The following SOCS1 variants were observed in gnomAD, a reference collection of about 807,000 sequenced individuals.
SOCS1 encodes JAK binding protein.
SOCS1 carries 3 observed loss-of-function variants against 9.7 expected under a neutral mutation model. That is an observed-to-expected ratio of 0.31 (90% CI 0.14 to 0.80). The LOEUF (loss-of-function observed/expected upper bound fraction) is 0.80, where lower values mean the gene tolerates loss of function less well. Ranked by LOEUF, SOCS1 falls within the 30% of genes least tolerant of loss-of-function variation. The pLI, the probability that SOCS1 is intolerant of heterozygous loss-of-function variation, is 0.61. For synonymous variants in SOCS1, 194 were observed against 150.2 expected, an observed-to-expected ratio of 1.29 and a Z score of -2.13; for missense variants, 368 against 324.7, an observed-to-expected ratio of 1.13 and a Z score of -1.02.
Position 11,255,084 on chromosome 16 carries a change from G to T in SOCS1, c.395C>A (p.Ala132Asp), listed in dbSNP as rs1286634884. The change falls in exon 2 of 2, where the codon GCC becomes GAC. Residue 132 changes from alanine to aspartate, a missense_variant. Coordinates refer to ENST00000332029, the MANE Select transcript of SOCS1 (RefSeq NM_003745.2). Reference sequence around the variant, plus strand: ...GCTGCCATCCAGGTGAAAGCGGCCGGCCTGAAAGTGCACGCGGATGCTCGT... The same window carrying T: ...GCTGCCATCCAGGTGAAAGCGGCCGTCCTGAAAGTGCACGCGGATGCTCGT... ...GPTSIRVHFQAGRFHLDGSRE... is the reference protein window; with the variant it reads ...GPTSIRVHFQDGRFHLDGSRE... The T allele has an allele frequency of 6.2e-7, 1 of 1,610,088 alleles. No homozygotes were observed.
rs1341902568 is a variant in SOCS1, at chr16:11,255,009, G to A, written c.470C>T (p.Ala157Val). ...LFELLEHYVA[A>V]PRRMLGAPLR... Reference sequence around the variant, plus strand: ...CGGGGCCCCCAGCATGCGGCGCGGCGCCGCCACGTAGTGCTCCAGCAGCTC... The same window carrying A: ...CGGGGCCCCCAGCATGCGGCGCGGCACCGCCACGTAGTGCTCCAGCAGCTC... Residue 157 changes from alanine (A) to valine (V), a missense_variant, in exon 2 of 2, where the codon GCG becomes GTG. Coordinates refer to ENST00000332029, the MANE Select transcript of SOCS1 (RefSeq NM_003745.2). 2 of 1,579,078 alleles carry A rather than the reference G, an allele frequency of 1.3e-6. No individual in the cohort carries two copies. Among genetic ancestry groups the A allele is most frequent in the African/African-American group, 1.4e-5 (1 of 70,992 alleles).
chr16:11,255,528 G>C lies in SOCS1; in HGVS notation c.-50C>G. 1 of 1,145,434 alleles carries C rather than the reference G, an allele frequency of 8.7e-7. No individual in the cohort carries two copies. Among genetic ancestry groups the C allele is most frequent in the Non-Finnish European group, 1.1e-6 (1 of 905,802 alleles). 71.0% of individuals were successfully genotyped at this position (1,145,434 alleles called of 1,614,324 possible). A position where few individuals can be genotyped will look rare whatever the true frequency, so the allele number is the denominator to read the frequency against. On this transcript the variant is annotated splice_region_variant and 5_prime_UTR_variant, in exon 2 of 2. Coordinates refer to ENST00000332029, the MANE Select transcript of SOCS1 (RefSeq NM_003745.2). ...GGTGGGCCATAGCGTCCGGGGGTGCGCTGCGGGAGAGACAAAGAGGTGAGC... is the reference window on the plus strand; with the variant it reads ...GGTGGGCCATAGCGTCCGGGGGTGCCCTGCGGGAGAGACAAAGAGGTGAGC...
chr16:11,255,570 CG>C (rs1194624631), intron 1 of SOCS1, 42 bp from the exon 2 acceptor site: 3 of 822,600 alleles, frequency 3.6e-6, no homozygotes, highest in Non-Finnish European at 4.9e-6. Context: ...GCTGCGGGGC[CG>C]GGCAGGTGTG....
rs566327696 is a variant in SOCS1, at chr16:11,255,173, C to G, written c.306G>C (p.Leu102=). ...AGTTCCGCTGGCGGCTGTCGCGCAC[C>G]AGGAAGGTGCCCACGGGCTCGGCGC... The part of the protein sequence containing the change: ...RLRAEPVGTF[L]VRDSRQRNCF... Residue 102 remains leucine, a synonymous_variant, in exon 2 of 2, where the codon CTG becomes CTC. Transcript: ENST00000332029. The G allele has an allele frequency of 1.1e-5, 18 of 1,596,140 alleles. No individual in the cohort carries two copies. The African/African-American group carries it at 1.5e-4, about 13-fold the overall frequency.
Position 11,254,774 on chromosome 16 carries a change from T to A in SOCS1, c.*69A>T, listed in dbSNP as rs1368113640. 1.4e-6 allele frequency: 2 copies of A among 1,410,112 alleles called. No homozygotes were observed. Among genetic ancestry groups the A allele is most frequent in the African/African-American group, 3.0e-5 (2 of 66,484 alleles). The allele number at this position is 1,410,112 out of a possible 1,614,324, so 87.3% of individuals were successfully genotyped here. A position where few individuals can be genotyped will look rare whatever the true frequency, so the allele number is the denominator to read the frequency against. ...CAGGCCGGGGAGGGTACCCACATGG[T>A]TCCAGGCAAGTAATAACAAAATAAC... On this transcript the variant is annotated 3_prime_UTR_variant, in exon 2 of 2. Transcript: ENST00000332029.
intron 1 of SOCS1, chr16:11,255,761 T>A (rs2069593141): frequency 7.6e-6 from 2 of 263,474 alleles, no homozygotes; most frequent in East Asian, 1.2e-4. Context: ...GAGTCCGGCC[T>A]CCGGGCAGCA....
Position 11,254,513 on chromosome 16 carries a change from TC to T in SOCS1, c.*329del. Reference sequence around the variant, plus strand: ...AGCAGAAAAATAAAGCCAGAGACCCTCCCCCAACCCCTGGTTTGTGCAAAGA... The same window carrying T: ...AGCAGAAAAATAAAGCCAGAGACCCTCCCCAACCCCTGGTTTGTGCAAAGA... On this transcript the variant is annotated 3_prime_UTR_variant, in exon 2 of 2. Transcript: ENST00000332029. The T allele has an allele frequency of 3.5e-6, 1 of 288,682 alleles. No individual in the cohort carries two copies. Among genetic ancestry groups the T allele is most frequent in the Non-Finnish European group, 6.4e-6 (1 of 155,446 alleles). The allele number at this position is 288,682 out of a possible 1,614,324, so 17.9% of individuals were successfully genotyped here. A position where few individuals can be genotyped will look rare whatever the true frequency, so the allele number is the denominator to read the frequency against.
At position 11,255,219 on chromosome 16, in the gene SOCS1, T is replaced by C. The variant is rs1383004877; in HGVS notation, c.260A>G (p.His87Arg). The change falls in exon 2 of 2, where the codon CAC becomes CGC. Residue 87 changes from histidine (H) to arginine (R), a missense_variant. His to Arg is a conservative substitution (Grantham distance 29). Coordinates refer to ENST00000332029, the MANE Select transcript of SOCS1 (RefSeq NM_003745.2). Reference sequence around the variant, plus strand: ...GGCGCGCAGCCGCTCGTGCGCCCCGTGCACGCTCAGGGGCCCCCAGTAGAA... The same window carrying C: ...GGCGCGCAGCCGCTCGTGCGCCCCGCGCACGCTCAGGGGCCCCCAGTAGAA... ...CGFYWGPLSV[H>R]GAHERLRAEP... 18 of 1,575,498 alleles carry C rather than the reference T, an allele frequency of 1.1e-5. 1 individual carries two copies. In the South Asian group the frequency reaches 1.9e-4, roughly 17 times the overall value.
In SOCS1 at chr16:11,255,290, A is replaced by C; in HGVS notation, c.189T>G (p.Asp63Glu). ...CGCTGGCGCGCGTGATGCGCCGGTAATCGGCGTGCGAACGGAATGTGCGGA... is the reference window on the plus strand; with the variant it reads ...CGCTGGCGCGCGTGATGCGCCGGTACTCGGCGTGCGAACGGAATGTGCGGA... ...THFRTFRSHA[D>E]YRRITRASAL... Residue 63 changes from aspartate to glutamate, a missense_variant, in exon 2 of 2, where the codon GAT (aspartate) becomes GAG (glutamate). Coordinates refer to ENST00000332029, the MANE Select transcript of SOCS1 (RefSeq NM_003745.2). The C allele has an allele frequency of 6.5e-7, 1 of 1,530,470 alleles. No individual in the cohort carries two copies. Among genetic ancestry groups the C allele is most frequent in the South Asian group, 1.2e-5 (1 of 82,980 alleles). The allele number at this position is 1,530,470 out of a possible 1,614,324, so 94.8% of individuals were successfully genotyped here. A position where few individuals can be genotyped will look rare whatever the true frequency, so the allele number is the denominator to read the frequency against.
At chr16:11,255,568 G>T in intron 1 of SOCS1, 40 bp from the exon 2 acceptor site, 1 of 842,380 alleles carries the variant, frequency 1.2e-6, no homozygotes, top group Non-Finnish European at 1.6e-6. Flanking sequence ...GCGCTGCGGG[G>T]CCGGGCAGGT....
At chr16:11,255,707 A>C in intron 1 of SOCS1, 179 bp from the exon 2 acceptor site, 1 of 343,154 alleles carries the variant, frequency 2.9e-6, no homozygotes, top group Non-Finnish European at 5.2e-6. Flanking sequence ...TGGGCTCTGT[A>C]CTCCGCGGAG....
chr16:11,255,500 A>T lies in SOCS1; in HGVS notation c.-22T>A. On this transcript the variant is annotated 5_prime_UTR_variant, in exon 2 of 2. Coordinates refer to ENST00000332029, the MANE Select transcript of SOCS1 (RefSeq NM_003745.2). ...CCATCCTACAGAAGGGGCCAGCCGGAGGGGTGGGCCATAGCGTCCGGGGGT... is the reference window on the plus strand; with the variant it reads ...CCATCCTACAGAAGGGGCCAGCCGGTGGGGTGGGCCATAGCGTCCGGGGGT... The T allele has an allele frequency of 1.6e-6, 2 of 1,252,590 alleles. No individual in the cohort carries two copies. Among genetic ancestry groups the T allele is most frequent in the Non-Finnish European group, 1.0e-6 (1 of 998,698 alleles). The allele number at this position is 1,252,590 out of a possible 1,614,324, so 77.6% of individuals were successfully genotyped here.
rs112876299 is a variant in SOCS1, at chr16:11,255,058, G to C, written c.421C>G (p.Arg141Gly). Residue 141 changes from arginine (R) to glycine (G), a missense_variant, in exon 2 of 2, where the codon CGC becomes GGC. Physicochemically the swap from Arg to Gly is moderately radical, Grantham distance 125. Coordinates refer to ENST00000332029, the MANE Select transcript of SOCS1 (RefSeq NM_003745.2). ...TCGAAGAGGCAGTCGAAGCTCTCGC[G>C]GCTGCCATCCAGGTGAAAGCGGCCG... is the stretch of plus-strand genomic sequence containing the variant. ...QAGRFHLDGS[R>G]ESFDCLFELL... 6 of 1,608,398 alleles carry C rather than the reference G, an allele frequency of 3.7e-6. No homozygotes were observed. Among genetic ancestry groups the C allele is most frequent in the Non-Finnish European group, 5.1e-6 (6 of 1,178,188 alleles).
At position 11,255,376 on chromosome 16, in the gene SOCS1, C is replaced by A; in HGVS notation, c.103G>T (p.Ala35Ser). Residue 35 changes from alanine to serine, a missense_variant, in exon 2 of 2, where the codon GCC (alanine) becomes TCC (serine). Ala to Ser is a moderately conservative substitution (Grantham distance 99, BLOSUM62 1). Coordinates refer to ENST00000332029, the MANE Select transcript of SOCS1 (RefSeq NM_003745.2). ...GGGCACGGCCGCGGGCGCGCGGGGG[C>A]CGCGGGCGAGGAGGAGGAAGAGGAG... ...PSSSSSSSPA[A>S]PARPRPCPAV... The A allele has an allele frequency of 7.5e-7, 1 of 1,337,826 alleles. No homozygotes were observed. The highest frequency in any genetic ancestry group is 9.5e-7 in the Non-Finnish European group (1 of 1,051,184). The allele number at this position is 1,337,826 out of a possible 1,614,324, so 82.9% of individuals were successfully genotyped here.
rs972082256 is a variant in SOCS1, at chr16:11,255,454, C to T, written c.25G>A (p.Ala9Thr). The stretch of plus-strand genomic sequence containing the variant: ...GCTGCTGTGGAGACTGCATTGTCGG[C>T]TGCCACCTGGTTGTGTGCTACCATC... MVAHNQVA[A>T]DNAVSTAAEP... The change falls in exon 2 of 2, where the codon GCC becomes ACC. Residue 9 changes from alanine to threonine, a missense_variant. Physicochemically the swap from Ala to Thr is moderately conservative, Grantham distance 58. Coordinates refer to ENST00000332029, the MANE Select transcript of SOCS1 (RefSeq NM_003745.2). The T allele has an allele frequency of 1.5e-6, 2 of 1,296,696 alleles. No individual in the cohort carries two copies. The highest frequency in any genetic ancestry group is 9.8e-7 in the Non-Finnish European group (1 of 1,025,440). 80.3% of individuals were successfully genotyped at this position (1,296,696 alleles called of 1,614,324 possible).
rs1266349319 is a variant in SOCS1, at chr16:11,254,547, T to C, written c.*296A>G. On this transcript the variant is annotated 3_prime_UTR_variant, in exon 2 of 2. Transcript: ENST00000332029. ...CCCTGGTTTGTGCAAAGATACTGGG[T>C]ATATGTAAACATGAAGAGGTAGGAG... The C allele has an allele frequency of 1.5e-5, 5 of 328,334 alleles. No individual in the cohort carries two copies. The highest frequency in any genetic ancestry group is 1.6e-5 in the Non-Finnish European group (3 of 181,888). 20.3% of individuals were successfully genotyped at this position (328,334 alleles called of 1,614,324 possible).
rs2069568558 is a variant in SOCS1, at chr16:11,254,431, C to T, written c.*412G>A. ...TATTTTTTTTTAAAAAAAAAACTTT[C>T]ATAATAAAGTTTATTACCTAAACTG... is the stretch of plus-strand genomic sequence containing the variant. On this transcript the variant is annotated 3_prime_UTR_variant, in exon 2 of 2. Transcript: ENST00000332029. The T allele has an allele frequency of 1.3e-5, 3 of 235,240 alleles. No homozygotes were observed. Among genetic ancestry groups the T allele is most frequent in the African/African-American group, 2.2e-5 (1 of 45,264 alleles). The allele number at this position is 235,240 out of a possible 1,614,324, so 14.6% of individuals were successfully genotyped here.
intron 1 of SOCS1, 28 bp from the exon 2 acceptor site, chr16:11,255,556 G>C: frequency 1.1e-6 from 1 of 891,616 alleles, no homozygotes. Context: ...AGGTGAGCTG[G>C]GGCGCTGCGG....
intron 1 of SOCS1, 48 bp from the exon 2 acceptor site, chr16:11,255,576 G>T: frequency 1.3e-6 from 1 of 743,226 alleles, no homozygotes; most frequent in Non-Finnish European, 1.8e-6. Context: ...GGGCCGGGCA[G>T]GTGTGCGCCG....
Sources: gnomAD v4.1 joint callset for allele counts on GRCh38, gnomAD v4.1.1 for gene constraint, MANE v1.5 for transcripts, NCBI Gene and HGNC (gene_info 2026-07-23, HGNC 2026-07-21) for gene names.